The following PTCHD4 variants were observed in gnomAD, a reference collection of about 807,000 sequenced individuals.
PTCHD4 encodes patched domain containing 4, also known as patched domain-containing protein 4.
PTCHD4 carries 33 observed loss-of-function variants against 58.1 expected under a neutral mutation model. The ratio of observed to expected loss-of-function variants is 0.57; its 90% CI spans 0.43 to 0.76. The LOEUF is 0.76. Ranked by LOEUF, PTCHD4 falls within the 30% of genes least tolerant of loss-of-function variation. The pLI, the probability that PTCHD4 is intolerant of heterozygous loss-of-function variation, is 0.00. For synonymous variants in PTCHD4, 478 were observed against 409.6 expected, an observed-to-expected ratio of 1.17 and a Z score of -2.02; for missense variants, 1,058 against 1,027.1, an observed-to-expected ratio of 1.03 and a Z score of -0.41.
chr6:48,020,425 A>G (rs1224514668), intron 3 of PTCHD4, among the ~76,000 whole-genome samples: 1 of 152,044 alleles, frequency 6.6e-6, no homozygotes, highest in Non-Finnish European at 1.5e-5. Context: ...AAAGTGATCT[A>G]CTCATTCTAA....
intron 3 of PTCHD4, among the ~76,000 whole-genome samples, chr6:48,041,103 G>A (rs190575223): frequency 1.3e-3 from 200 of 152,154 alleles, no homozygotes; most frequent in Non-Finnish European, 1.8e-3. Context: ...AGTGAGATGA[G>A]CTTTGTTTCC....
intron 1 of PTCHD4, among the ~76,000 whole-genome samples, chr6:48,098,743 A>G (rs999323611): frequency 3.3e-5 from 5 of 152,210 alleles, no homozygotes; most frequent in Admixed American, 2.6e-4. Flanking sequence ...TAATCTTAAC[A>G]AAAATATTTT....
chr6:47,917,048 A>T (rs1235851754), intron 4 of PTCHD4, among the ~76,000 whole-genome samples: 1 of 152,140 alleles, frequency 6.6e-6, no homozygotes, highest in African/African-American at 2.4e-5. Flanking sequence ...TATAGTGGAC[A>T]ACTTTGTATG....
intron 3 of PTCHD4, among the ~76,000 whole-genome samples, chr6:48,045,084 T>A (rs975650777): frequency 3.3e-5 from 5 of 151,824 alleles, no homozygotes; most frequent in African/African-American, 1.2e-4. Context: ...TTATTATAAG[T>A]TGTCAACTCT....
At chr6:48,103,779 A>G (rs1765659079) in intron 1 of PTCHD4, among the ~76,000 whole-genome samples, 1 of 152,250 alleles carries the variant, frequency 6.6e-6, no homozygotes, top group Non-Finnish European at 1.5e-5. Context: ...GCTGAAAACC[A>G]AGGCACCAGA....
intron 4 of PTCHD4, among the ~76,000 whole-genome samples, chr6:47,942,836 G>A (rs1489745078): frequency 3.9e-5 from 6 of 152,152 alleles, no homozygotes; most frequent in Non-Finnish European, 8.8e-5. Context: ...GGTGCAAAAC[G>A]ATTCCCTCTG....
In PTCHD4 at chr6:48,111,176, A is replaced by G. The variant is rs1765869115; in HGVS notation, c.-1097T>C. Among the ~76,000 whole-genome samples, 1 of 151,980 alleles carries G rather than the reference A, an allele frequency of 6.6e-6. No homozygotes were observed. The highest frequency in any genetic ancestry group is 1.5e-5 in the Non-Finnish European group (1 of 67,994). ...TGGTTGGTAGTGGCTGCATCCCTCT[A>G]CCGATGGCCAGACTTCTCACTGGGC... On this transcript the variant is annotated 5_prime_UTR_variant, in exon 1 of 5. Coordinates refer to ENST00000339488, the MANE Select transcript of PTCHD4 (RefSeq NM_001384253.1).
intron 4 of PTCHD4, among the ~76,000 whole-genome samples, chr6:47,937,372 G>A (rs1766042780): frequency 6.6e-6 from 1 of 152,130 alleles, no homozygotes; most frequent in Non-Finnish European, 1.5e-5. Context: ...GCCACGTTTT[G>A]AAGATAAAAT....
intron 4 of PTCHD4, among the ~76,000 whole-genome samples, chr6:47,988,759 G>A (rs1458147474): frequency 6.6e-6 from 1 of 152,202 alleles, no homozygotes; most frequent in Non-Finnish European, 1.5e-5. Flanking sequence ...CCCCAGCCAT[G>A]TGGAACTGTA....
At chr6:48,109,683 A>G (rs1005284841) in intron 1 of PTCHD4, among the ~76,000 whole-genome samples, 2 of 152,134 alleles carry the variant, frequency 1.3e-5, no homozygotes, top group Non-Finnish European at 2.9e-5. Context: ...TCCAAAATCT[A>G]TAAGAAACTC....
intron 4 of PTCHD4, among the ~76,000 whole-genome samples, chr6:47,930,702 A>G (rs1327893161): frequency 6.6e-6 from 1 of 152,230 alleles, no homozygotes; most frequent in Non-Finnish European, 1.5e-5. Context: ...CACATTACAT[A>G]GGCAACGTCC....
intron 4 of PTCHD4, among the ~76,000 whole-genome samples, chr6:47,939,488 G>T (rs1407065724): frequency 2.0e-5 from 3 of 151,948 alleles, no homozygotes; most frequent in Non-Finnish European, 4.4e-5. Context: ...AGCGAGTAGT[G>T]GACTGTTTCA....
At chr6:48,091,674 T>C (rs868125021) in intron 1 of PTCHD4, among the ~76,000 whole-genome samples, 12 of 144,596 alleles carry the variant, frequency 8.3e-5, no homozygotes, top group Admixed American at 4.3e-4. Context: ...TTGGATGGAG[T>C]CTCGCTTTGT....
intron 1 of PTCHD4, among the ~76,000 whole-genome samples, chr6:48,077,291 T>C (rs1765078914): frequency 6.6e-6 from 1 of 152,174 alleles, no homozygotes; most frequent in African/African-American, 2.4e-5. Flanking sequence ...TATAAGAGAG[T>C]CCGCCTGTCC....
In PTCHD4 at chr6:48,036,854, C is replaced by G. The variant is rs140343067; in HGVS notation, c.418-27740G>C. ...AATTAGGTTAATTTTGCTGTGGCAC[C>G]TCACACTGTAAGTTACTGCCACTGT... On this transcript the variant is annotated intron_variant, in intron 3 of 4. Coordinates refer to ENST00000339488, the MANE Select transcript of PTCHD4 (RefSeq NM_001384253.1). Among the ~76,000 whole-genome samples, 983 of 152,138 alleles carry G rather than the reference C, an allele frequency of 6.5e-3. 15 individuals carry two copies. Among genetic ancestry groups the G allele is most frequent in the African/African-American group, 0.022 (929 of 41,520 alleles).
chr6:48,054,715 AT>A (rs1764348348), intron 3 of PTCHD4, among the ~76,000 whole-genome samples: 2 of 152,210 alleles, frequency 1.3e-5, no homozygotes, highest in South Asian at 2.1e-4. Context: ...TGATAAAAAA[AT>A]AAAAATAAAT....
intron 4 of PTCHD4, among the ~76,000 whole-genome samples, chr6:47,958,898 G>A (rs1766974201): frequency 6.6e-6 from 1 of 152,144 alleles, no homozygotes; most frequent in South Asian, 2.1e-4. Context: ...AGCTCTAGAT[G>A]AGCATTGCTC....
rs1763446382 is a variant in PTCHD4, at chr6:47,862,197, T to C, written c.*16106A>G. ...TTTAGGAGGCCTGATGGATTTTTAATGAATTATCGGTTTTGCCAATCATTA... is the reference window on the plus strand; with the variant it reads ...TTTAGGAGGCCTGATGGATTTTTAACGAATTATCGGTTTTGCCAATCATTA... On this transcript the variant is annotated 3_prime_UTR_variant, in exon 5 of 5. Transcript: ENST00000339488. Among the ~76,000 whole-genome samples the C allele has an allele frequency of 6.6e-6, 1 of 151,530 alleles. No individual in the cohort carries two copies. Among genetic ancestry groups the C allele is most frequent in the Non-Finnish European group, 1.5e-5 (1 of 67,776 alleles).
intron 1 of PTCHD4, among the ~76,000 whole-genome samples, chr6:48,071,554 G>T (rs185713133): frequency 6.6e-6 from 1 of 152,238 alleles, no homozygotes; most frequent in African/African-American, 2.4e-5. Context: ...TTAAATGAAA[G>T]GAAATTGGCA....
Sources: allele counts gnomAD v4.1 joint callset (sites outside exome capture counted in the v4.1 genomes callset), GRCh38; gene constraint gnomAD v4.1.1; transcripts MANE v1.5; gene names NCBI Gene and HGNC (gene_info 2026-07-23, HGNC 2026-07-21).